GRIK2: variants seen among roughly 807,000 people sequenced by gnomAD.
The protein encoded by GRIK2 is glutamate receptor ionotropic, kainate 2.
In GRIK2, 32 loss-of-function variants were observed where a neutral mutation model predicts 100.3. The observed-to-expected ratio is 0.32, with a 90% CI of 0.24 to 0.43. The LOEUF (loss-of-function observed/expected upper bound fraction) is 0.43. Ranked by LOEUF, GRIK2 falls within the 20% of genes least tolerant of loss-of-function variation. GRIK2 has a pLI of 1.00. For missense variants in GRIK2, 843 were observed against 1,114.9 expected (o/e 0.76, Z 3.47); for synonymous variants, 417 against 389.4 (o/e 1.07, Z -0.83).
chr6:101,571,866 A>G (rs1777551065), intron 2 of GRIK2, among the ~76,000 whole-genome samples: 1 of 152,160 alleles, frequency 6.6e-6, no homozygotes, highest in South Asian at 2.1e-4. Context: ...ATACATAACC[A>G]TGCAGAACAT....
In GRIK2 at chr6:101,509,071, T is replaced by C. The variant is rs999369471; in HGVS notation, c.115+109679T>C. Reference sequence around the variant, plus strand: ...TACTCGGGAGGCTGAGTCAGGAGAATGGCGTCAACCAGGGAGGCGGAGCTT... The same window carrying C: ...TACTCGGGAGGCTGAGTCAGGAGAACGGCGTCAACCAGGGAGGCGGAGCTT... On this transcript the variant is annotated intron_variant, in intron 2 of 16. Coordinates refer to ENST00000369134, the MANE Select transcript of GRIK2 (RefSeq NM_021956.5). Among the ~76,000 whole-genome samples the C allele has an allele frequency of 2.1e-5, 3 of 145,908 alleles. 1 individual carries two copies.
intron 4 of GRIK2, among the ~76,000 whole-genome samples, chr6:101,638,182 GTTTGT>G (rs1186125487): frequency 6.7e-6 from 1 of 149,294 alleles, no homozygotes; most frequent in Non-Finnish European, 1.5e-5. Flanking sequence ...TGATTTGTTT[GTTTGT>G]TTTATTACTT....
At chr6:101,758,150 G>T (rs563603140) in intron 7 of GRIK2, among the ~76,000 whole-genome samples, 4 of 152,290 alleles carry the variant, frequency 2.6e-5, no homozygotes, top group African/African-American at 4.8e-5. Context: ...TTGAGCCTGG[G>T]AGAGGGAGGT....
intron 2 of GRIK2, among the ~76,000 whole-genome samples, chr6:101,502,977 G>A (rs563679517): frequency 6.6e-6 from 1 of 152,178 alleles, no homozygotes; most frequent in East Asian, 1.9e-4. Context: ...CCCCGACACA[G>A]GATGGCTGCT....
At chr6:101,672,299 C>CACTCCCTTCATTT (rs1770501689) in intron 4 of GRIK2, among the ~76,000 whole-genome samples, 1 of 152,040 alleles carries the variant, frequency 6.6e-6, no homozygotes, top group Non-Finnish European at 1.5e-5. Context: ...CATGGCTGAT[C>CACTCCCTTCATTT]ACTCCCTTCA....
At chr6:102,000,731 T>A (rs1278728586) in intron 14 of GRIK2, among the ~76,000 whole-genome samples, 1 of 152,116 alleles carries the variant, frequency 6.6e-6, no homozygotes, top group Non-Finnish European at 1.5e-5. Flanking sequence ...TCTACAATGG[T>A]GTCACTTCTC....
intron 16 of GRIK2, among the ~76,000 whole-genome samples, chr6:102,058,981 TTATAA>T (rs921858537): frequency 6.6e-6 from 1 of 151,278 alleles, no homozygotes; most frequent in African/African-American, 2.4e-5. Flanking sequence ...GATGATAAAA[TTATAA>T]TATATTAATT....
chr6:101,955,301 G>A (rs1260878594), intron 14 of GRIK2, among the ~76,000 whole-genome samples: 1 of 151,930 alleles, frequency 6.6e-6, no homozygotes, highest in Admixed American at 6.6e-5. Flanking sequence ...AATGTTTGAC[G>A]GATTTCACCA....
chr6:101,733,708 C>CTTTTT (rs34438783), intron 7 of GRIK2, among the ~76,000 whole-genome samples: 890 of 83,850 alleles, frequency 0.011, no homozygotes, highest in Middle Eastern at 0.022. Flanking sequence ...ATTCCTCTTT[C>CTTTTT]TTTTTTTTTT....
chr6:101,793,742 G>T (rs2128409885), intron 7 of GRIK2, among the ~76,000 whole-genome samples: 1 of 152,258 alleles, frequency 6.6e-6, no homozygotes, highest in African/African-American at 2.4e-5. Flanking sequence ...CTTCAAAGCT[G>T]TCAGACAGGG....
intron 14 of GRIK2, among the ~76,000 whole-genome samples, chr6:102,006,390 A>ATTTTTTTTTTTTTT (rs34620995): frequency 9.6e-5 from 11 of 114,104 alleles, no homozygotes; most frequent in African/African-American, 5.0e-4. Flanking sequence ...ATATATATAT[A>ATTTTTTTTTTTTTT]TTTTTTTTTT....
chr6:102,001,982 A>G (rs990682488), intron 14 of GRIK2, among the ~76,000 whole-genome samples: 1 of 151,718 alleles, frequency 6.6e-6, no homozygotes, highest in Non-Finnish European at 1.5e-5. Flanking sequence ...AATATATTTT[A>G]TTAAAATGCA....
At position 102,069,294 on chromosome 6, in the gene GRIK2, CAAATAATAATAA is replaced by C. The variant is rs1333182097; in HGVS notation, c.*784_*795del. 1 of 112,286 alleles carries C rather than the reference CAAATAATAATAA, an allele frequency of 8.9e-6. No individual in the cohort carries two copies. Among genetic ancestry groups the C allele is most frequent in the Non-Finnish European group, 1.7e-5 (1 of 58,714 alleles). 7.0% of individuals were successfully genotyped at this position (112,286 alleles called of 1,614,324 possible). ...CACCTTTTCTCTAACCCCCATATCCCAAATAATAATAATAATAATAATAATAATAATAATAAT... is the reference window on the plus strand; with the variant it reads ...CACCTTTTCTCTAACCCCCATATCCCTAATAATAATAATAATAATAATAAT... On this transcript the variant is annotated 3_prime_UTR_variant, in exon 17 of 17. Transcript: ENST00000369134.
rs76045911 is a variant in GRIK2 at position 101,843,668 on chromosome 6, G to A, written c.1318-15619G>A. On this transcript the variant is annotated intron_variant, in intron 10 of 16. Coordinates refer to ENST00000369134, the MANE Select transcript of GRIK2 (RefSeq NM_021956.5). ...CCCCATGAATCTGGCCCAACTGCAC[G>A]TTATAATCACATAGGAAGTTGTTTT... Among the ~76,000 whole-genome samples, 1,002 of 152,216 alleles carry A rather than the reference G, an allele frequency of 6.6e-3. 9 individuals are homozygous for A. Among genetic ancestry groups the A allele is most frequent in the African/African-American group, 0.023 (961 of 41,544 alleles).
chr6:101,404,596 A>C lies in GRIK2; in HGVS notation c.115+5204A>C, dbSNP rs193086156. On this transcript the variant is annotated intron_variant, in intron 2 of 16. Coordinates refer to ENST00000369134, the MANE Select transcript of GRIK2 (RefSeq NM_021956.5). ...TTAGAAACTAGTTTACTGTCTTTAA[A>C]ATGTAACATACTTAAATTATTAATC... Among the ~76,000 whole-genome samples the C allele has an allele frequency of 1.1e-3, 165 of 152,340 alleles. 1 individual carries two copies. Among genetic ancestry groups the C allele is most frequent in the African/African-American group, 3.8e-3 (160 of 41,582 alleles).
intron 12 of GRIK2, among the ~76,000 whole-genome samples, chr6:101,912,438 C>G (rs1582520186): frequency 1.3e-5 from 2 of 151,582 alleles, no homozygotes; most frequent in Non-Finnish European, 3.0e-5. Context: ...CGTGCAGCTC[C>G]TTAATTCATG....
intron 10 of GRIK2, among the ~76,000 whole-genome samples, chr6:101,858,030 G>T (rs2128442553): frequency 6.6e-6 from 1 of 152,252 alleles, no homozygotes; most frequent in East Asian, 1.9e-4. Flanking sequence ...CAAGTGTCTA[G>T]ACTCTTTCTC....
chr6:101,426,690 G>A (rs1185422986), intron 2 of GRIK2, among the ~76,000 whole-genome samples: 1 of 152,130 alleles, frequency 6.6e-6, no homozygotes, highest in Non-Finnish European at 1.5e-5. Context: ...ATTTGTGCCT[G>A]CCTCTCTCTT....
chr6:101,909,372 T>TTTTA (rs1296592583), intron 12 of GRIK2, among the ~76,000 whole-genome samples: 1 of 50,594 alleles, frequency 2.0e-5, no homozygotes, highest in African/African-American at 9.8e-5. Flanking sequence ...GAAGATAGGG[T>TTTTA]TTTCTTTTTC....
Sources: gnomAD v4.1 joint callset for allele counts (sites outside exome capture counted in the v4.1 genomes callset) on GRCh38, gnomAD v4.1.1 for gene constraint, MANE v1.5 for transcripts, NCBI Gene and HGNC (gene_info 2026-07-23, HGNC 2026-07-21) for gene names.